Variants in FOXH1 observed in about 807,000 individuals in gnomAD.
The protein encoded by FOXH1 is forkhead box H1.
A neutral mutation model predicts 14.2 loss-of-function variants in FOXH1; 10 were observed. That is an observed-to-expected ratio of 0.70 (90% CI 0.43 to 1.19). The LOEUF (loss-of-function observed/expected upper bound fraction) is 1.19. Among genes scored for constraint, FOXH1 ranks in the 50% most tolerant of loss-of-function variants. The pLI, the probability that FOXH1 is intolerant of heterozygous loss-of-function variation, is 0.00. For missense variants in FOXH1, 643 were observed against 492.1 expected, an observed-to-expected ratio of 1.31 and a Z score of -2.90; for synonymous variants, 273 against 209.5, an observed-to-expected ratio of 1.30 and a Z score of -2.62.
rs763280219 is a variant in FOXH1, at chr8:144,474,779, G to C, written c.557C>G (p.Ala186Gly). ...SGEGAPWPGL[A>G]PQSSPVPAGT... ...TGCAGGAACTGGGCTGCTCTGTGGA[G>C]CTAGCCCCGGCCAGGGTGCCCCCTC... The change falls in exon 3 of 3, where the codon GCT (alanine) becomes GGT (glycine). Residue 186 changes from alanine (A) to glycine (G), a missense_variant. By Grantham distance (60) the Ala-to-Gly change is moderately conservative. Transcript: ENST00000377317. The C allele has an allele frequency of 6.3e-7, 1 of 1,599,738 alleles. No individual in the cohort carries two copies. Among genetic ancestry groups the C allele is most frequent in the Non-Finnish European group, 8.5e-7 (1 of 1,172,782 alleles).
At position 144,473,669 on chromosome 8, in the gene FOXH1, C is replaced by T. The variant is rs370078082; in HGVS notation, c.*569G>A. ...TTATCACGGCACACAGCAGGGAATC[C>T]CAGGCCCCCCCGCCAAGTGGTTACC... On this transcript the variant is annotated 3_prime_UTR_variant, in exon 3 of 3. Transcript: ENST00000377317. The T allele has an allele frequency of 2.0e-6, 1 of 494,380 alleles. No homozygotes were observed. Among genetic ancestry groups the T allele is most frequent in the East Asian group, 3.4e-5 (1 of 29,156 alleles). The allele number at this position is 494,380 out of a possible 1,614,324, so 30.6% of individuals were successfully genotyped here. A position where few individuals can be genotyped will look rare whatever the true frequency, so the allele number is the denominator to read the frequency against.
rs1027750819 is a variant in FOXH1 at position 144,473,947 on chromosome 8, G to A, written c.*291C>T. ...GTGACGGCTGGTGACTGATGGATGG[G>A]TAGTGGGCTGAGAAGAGGGGACTAG... On this transcript the variant is annotated 3_prime_UTR_variant, in exon 3 of 3. Transcript: ENST00000377317. 1 of 485,394 alleles carries A rather than the reference G, an allele frequency of 2.1e-6. No individual in the cohort carries two copies. The highest frequency in any genetic ancestry group is 3.7e-6 in the Non-Finnish European group (1 of 273,880). 30.1% of individuals were successfully genotyped at this position (485,394 alleles called of 1,614,324 possible).
Position 144,473,919 on chromosome 8 carries a change from G to T in FOXH1, c.*319C>A. 1 of 436,498 alleles carries T rather than the reference G, an allele frequency of 2.3e-6. No homozygotes were observed. The highest frequency in any genetic ancestry group is 3.8e-5 in the East Asian group (1 of 26,496). The allele number at this position is 436,498 out of a possible 1,614,324, so 27.0% of individuals were successfully genotyped here. A position where few individuals can be genotyped will look rare whatever the true frequency, so the allele number is the denominator to read the frequency against. ...TCCCCCAGCCTGGAGCACGGGAGGG[G>T]AGGTGACGGCTGGTGACTGATGGAT... On this transcript the variant is annotated 3_prime_UTR_variant, in exon 3 of 3. Coordinates refer to ENST00000377317, the MANE Select transcript of FOXH1 (RefSeq NM_003923.3).
In FOXH1 at chr8:144,474,072, C is replaced by T. The variant is rs1586726957; in HGVS notation, c.*166G>A. Reference sequence around the variant, plus strand: ...AGGGTGAGGGTTGTGCCCAGCTGGGCCACGGCCATGCGTGGGGTGGCCCAA... The same window carrying T: ...AGGGTGAGGGTTGTGCCCAGCTGGGTCACGGCCATGCGTGGGGTGGCCCAA... On this transcript the variant is annotated 3_prime_UTR_variant, in exon 3 of 3. Transcript: ENST00000377317. 1 of 617,098 alleles carries T rather than the reference C, an allele frequency of 1.6e-6. No individual in the cohort carries two copies. The highest frequency in any genetic ancestry group is 2.0e-5 in the South Asian group (1 of 49,672). 38.2% of individuals were successfully genotyped at this position (617,098 alleles called of 1,614,324 possible). A position where few individuals can be genotyped will look rare whatever the true frequency, so the allele number is the denominator to read the frequency against.
rs757036642 is a variant in FOXH1, at chr8:144,474,234, A to C, written c.*4T>G. 7.7e-6 allele frequency: 12 copies of C among 1,558,186 alleles called. No homozygotes were observed. Among genetic ancestry groups the C allele is most frequent in the Admixed American group, 3.8e-5 (2 of 53,158 alleles). On this transcript the variant is annotated 3_prime_UTR_variant, in exon 3 of 3. Transcript: ENST00000377317. ...AGGGAGGAGTGGCCCCTGTCTTAAG[A>C]GCCTCACAGGCTGCACCAGGAGAGC... is the stretch of plus-strand genomic sequence containing the variant.
At chr8:144,475,518 T>C in intron 1 of FOXH1, 65 bp downstream of exon 1, 1 of 1,332,988 alleles carries the variant, frequency 7.5e-7, no homozygotes, top group Non-Finnish European at 1.0e-6. Flanking sequence ...GGTCAGGGCT[T>C]GAACCTGGAA....
At position 144,474,787 on chromosome 8, in the gene FOXH1, C is replaced by A; in HGVS notation, c.549G>T (p.Pro183=). The change falls in exon 3 of 3, where the codon CCG becomes CCT. Residue 183 remains proline, a synonymous_variant. Transcript: ENST00000377317. The part of the protein sequence containing the change: ...LGGSGEGAPW[P]GLAPQSSPVP... ...CTGGGCTGCTCTGTGGAGCTAGCCCCGGCCAGGGTGCCCCCTCCCCGGACC... is the reference window on the plus strand; with the variant it reads ...CTGGGCTGCTCTGTGGAGCTAGCCCAGGCCAGGGTGCCCCCTCCCCGGACC... 6.2e-7 allele frequency: 1 copy of A among 1,602,652 alleles called. No individual in the cohort carries two copies.
In FOXH1 at chr8:144,473,736, A is replaced by C; in HGVS notation, c.*502T>G. 2.3e-6 allele frequency: 1 copy of C among 427,788 alleles called. No individual in the cohort carries two copies. The allele number at this position is 427,788 out of a possible 1,614,324, so 26.5% of individuals were successfully genotyped here. ...ACCCAAAAATCAGGCATGGCATTAA[A>C]ACGTTGCAAATTCCTTTACTGTTAT... is the stretch of plus-strand genomic sequence containing the variant. On this transcript the variant is annotated 3_prime_UTR_variant, in exon 3 of 3. Transcript: ENST00000377317.
At chr8:144,475,427 C>T (rs546507430) in intron 1 of FOXH1, among the ~76,000 whole-genome samples, 156 bp downstream of exon 1, 3 of 152,050 alleles carry the variant, frequency 2.0e-5, no homozygotes, top group Admixed American at 1.3e-4. Flanking sequence ...AAGGGGCTCC[C>T]GGAGAAGGGT....
chr8:144,473,472 C>T lies in FOXH1; in HGVS notation c.*766G>A. The T allele has an allele frequency of 1.4e-6, 2 of 1,459,746 alleles. No individual in the cohort carries two copies. Among genetic ancestry groups the T allele is most frequent in the African/African-American group, 1.4e-5 (1 of 70,284 alleles). 90.4% of individuals were successfully genotyped at this position (1,459,746 alleles called of 1,614,324 possible). ...GTAGTAAAGTCCCTGTACCCCGTCT[C>T]CCAGGGCACAAGCTCCCTAGCCTCT... On this transcript the variant is annotated 3_prime_UTR_variant, in exon 3 of 3. Coordinates refer to ENST00000377317, the MANE Select transcript of FOXH1 (RefSeq NM_003923.3).
In FOXH1 at chr8:144,475,747, A is replaced by G. The variant is rs1438455612; in HGVS notation, c.10T>C (p.Cys4Arg). The G allele has an allele frequency of 3.5e-6, 5 of 1,410,026 alleles. No individual in the cohort carries two copies. The highest frequency in any genetic ancestry group is 1.7e-5 in the South Asian group (1 of 58,160). 87.3% of individuals were successfully genotyped at this position (1,410,026 alleles called of 1,614,324 possible). ...GGGGGCCCCAGGCGGGAGCCGCTGC[A>G]GGGCCCCATGCGGGACGGTAGACAG... is the stretch of plus-strand genomic sequence containing the variant. Reference protein sequence around the residue: MGPCSGSRLGPPEA... With the variant: MGPRSGSRLGPPEA... Residue 4 changes from cysteine to arginine, a missense_variant, in exon 1 of 3, where the codon TGC becomes CGC. By Grantham distance (180) the Cys-to-Arg change is radical. Transcript: ENST00000377317.
At position 144,474,232 on chromosome 8, in the gene FOXH1, A is replaced by C. The variant is rs1264277355; in HGVS notation, c.*6T>G. On this transcript the variant is annotated 3_prime_UTR_variant, in exon 3 of 3. Coordinates refer to ENST00000377317, the MANE Select transcript of FOXH1 (RefSeq NM_003923.3). Reference sequence around the variant, plus strand: ...GGAGGGAGGAGTGGCCCCTGTCTTAAGAGCCTCACAGGCTGCACCAGGAGA... The same window carrying C: ...GGAGGGAGGAGTGGCCCCTGTCTTACGAGCCTCACAGGCTGCACCAGGAGA... 2.6e-6 allele frequency: 4 copies of C among 1,556,970 alleles called. No homozygotes were observed. The highest frequency in any genetic ancestry group is 1.4e-5 in the African/African-American group (1 of 73,260).
chr8:144,473,677 C>A lies in FOXH1; in HGVS notation c.*561G>T. Reference sequence around the variant, plus strand: ...GCACACAGCAGGGAATCCCAGGCCCCCCCGCCAAGTGGTTACCCAAGTCAC... The same window carrying A: ...GCACACAGCAGGGAATCCCAGGCCCACCCGCCAAGTGGTTACCCAAGTCAC... On this transcript the variant is annotated 3_prime_UTR_variant, in exon 3 of 3. Coordinates refer to ENST00000377317, the MANE Select transcript of FOXH1 (RefSeq NM_003923.3). The A allele has an allele frequency of 4.1e-6, 2 of 490,600 alleles. No individual in the cohort carries two copies. Among genetic ancestry groups the A allele is most frequent in the Non-Finnish European group, 7.0e-6 (2 of 284,764 alleles). The allele number at this position is 490,600 out of a possible 1,614,324, so 30.4% of individuals were successfully genotyped here. A position where few individuals can be genotyped will look rare whatever the true frequency, so the allele number is the denominator to read the frequency against.
rs1230943107 is a variant in FOXH1 at position 144,474,882 on chromosome 8, G to A, written c.454C>T (p.Arg152Trp). The change falls in exon 3 of 3, where the codon CGG becomes TGG. Residue 152 changes from arginine to tryptophan, a missense_variant. Transcript: ENST00000377317. ...KDLGPYVLHG[R>W]PYRPPSPPPP... is the part of the protein sequence containing the mutation. Reference sequence around the variant, plus strand: ...GGGGGACTGGGCGGCCGGTATGGCCGGCCGTGCAGCACGTAGGGGCCCAGG... The same window carrying A: ...GGGGGACTGGGCGGCCGGTATGGCCAGCCGTGCAGCACGTAGGGGCCCAGG... The A allele has an allele frequency of 7.4e-6, 12 of 1,610,852 alleles. No individual in the cohort carries two copies. Among genetic ancestry groups the A allele is most frequent in the Admixed American group, 1.7e-5 (1 of 59,966 alleles).
At position 144,475,573 on chromosome 8, in the gene FOXH1, G is replaced by T; in HGVS notation, c.174+10C>A. 2.1e-6 allele frequency: 3 copies of T among 1,448,782 alleles called. No homozygotes were observed. Among genetic ancestry groups the T allele is most frequent in the Non-Finnish European group, 2.7e-6 (3 of 1,097,624 alleles). The allele number at this position is 1,448,782 out of a possible 1,614,324, so 89.7% of individuals were successfully genotyped here. Reference sequence around the variant, plus strand: ...GGGGAAAGAGAGAGTGGGGGCCGGGGCCCGCTCACCTGGGCCAGCTTCAGT... The same window carrying T: ...GGGGAAAGAGAGAGTGGGGGCCGGGTCCCGCTCACCTGGGCCAGCTTCAGT... On this transcript the variant is annotated intron_variant, in intron 1 of 2. Transcript: ENST00000377317.
At position 144,474,720 on chromosome 8, in the gene FOXH1, T is replaced by C; in HGVS notation, c.616A>G (p.Thr206Ala). ...TGNSGEEAVP[T>A]PPLPSSERPL... The stretch of plus-strand genomic sequence containing the variant: ...CTCTCAGAAGAGGGAAGGGGTGGGG[T>C]GGGCACCGCCTCCTCCCCACTGTTC... The change falls in exon 3 of 3, where the codon ACC becomes GCC. Residue 206 changes from threonine (T) to alanine (A), a missense_variant. Physicochemically the swap from Thr to Ala is moderately conservative, Grantham distance 58. Transcript: ENST00000377317. 1.9e-6 allele frequency: 3 copies of C among 1,539,576 alleles called. No homozygotes were observed. The African/African-American group carries it at 4.1e-5, about 21-fold the overall frequency.
rs373424413 is a variant in FOXH1, at chr8:144,474,920, G to T, written c.416C>A (p.Ala139Asp). The part of the protein sequence containing the change: ...RRWQNGGARG[A>D]FAKDLGPYVL... ...GTAGGGGCCCAGGTCCTTGGCGAAG[G>T]CTCCACGCGCACCTCCGTTCTGCCA... Residue 139 changes from alanine to aspartate, a missense_variant, in exon 3 of 3, where the codon GCC becomes GAC. By Grantham distance (126) the Ala-to-Asp change is moderately radical. Transcript: ENST00000377317. 1.6e-4 allele frequency: 250 copies of T among 1,608,730 alleles called. No homozygotes were observed. The highest frequency in any genetic ancestry group is 2.0e-4 in the Non-Finnish European group (230 of 1,179,342).
rs1417452589 is a variant in FOXH1 at position 144,474,515 on chromosome 8, C to A, written c.821G>T (p.Trp274Leu). ...RSSGGHRASL[W>L]GQLPTSYLPI... is the part of the protein sequence containing the mutation. ...CAAGTAGGAGGTGGGCAGCTGCCCC[C>A]AGAGGGAGGCCCTGTGTCCCCCGCT... is the stretch of plus-strand genomic sequence containing the variant. The change falls in exon 3 of 3, where the codon TGG becomes TTG. Residue 274 changes from tryptophan to leucine, a missense_variant. By Grantham distance (61) the Trp-to-Leu change is moderately conservative. Coordinates refer to ENST00000377317, the MANE Select transcript of FOXH1 (RefSeq NM_003923.3). 6.2e-7 allele frequency: 1 copy of A among 1,611,152 alleles called. No individual in the cohort carries two copies. The highest frequency in any genetic ancestry group is 1.7e-5 in the Admixed American group (1 of 60,006).
At position 144,473,718 on chromosome 8, in the gene FOXH1, A is replaced by C; in HGVS notation, c.*520T>G. The C allele has an allele frequency of 2.3e-6, 1 of 435,484 alleles. No individual in the cohort carries two copies. Among genetic ancestry groups the C allele is most frequent in the East Asian group, 3.9e-5 (1 of 25,700 alleles). 27.0% of individuals were successfully genotyped at this position (435,484 alleles called of 1,614,324 possible). On this transcript the variant is annotated 3_prime_UTR_variant, in exon 3 of 3. Transcript: ENST00000377317. ...CCCAAGTCACCACTCCTGACCCAAA[A>C]ATCAGGCATGGCATTAAAACGTTGC...
Sources: allele counts gnomAD v4.1 joint callset (sites outside exome capture counted in the v4.1 genomes callset), GRCh38; gene constraint gnomAD v4.1.1; transcripts MANE v1.5; gene names NCBI Gene and HGNC (gene_info 2026-07-23, HGNC 2026-07-21).